Variants in CSF2RB observed in about 807,000 individuals in gnomAD.
CSF2RB encodes colony stimulating factor 2 receptor subunit beta, also known as cytokine receptor common subunit beta.
In CSF2RB, 22 loss-of-function variants were observed where a neutral mutation model predicts 67.2. That is an observed-to-expected ratio of 0.33 (90% CI 0.23 to 0.47). The LOEUF (loss-of-function observed/expected upper bound fraction) is 0.47, where lower values mean the gene tolerates loss of function less well. CSF2RB is among the 20% of genes least tolerant of loss of function. CSF2RB has a pLI of 1.00. For missense variants in CSF2RB, 1,113 were observed against 1,174.5 expected, an observed-to-expected ratio of 0.95 and a Z score of 0.76; for synonymous variants, 507 against 482.9, an observed-to-expected ratio of 1.05 and a Z score of -0.65.
intron 10 of CSF2RB, 146 bp from the exon 11 acceptor site, chr22:36,935,205 C>G (rs1833503764): frequency 2.6e-6 from 2 of 769,732 alleles, no homozygotes; most frequent in South Asian, 2.9e-5. Flanking sequence ...GCCTCTCTCC[C>G]CTAATCCCCC....
intron 2 of CSF2RB, 179 bp downstream of exon 2, chr22:36,922,462 C>T (rs1940900693): frequency 6.3e-6 from 4 of 635,882 alleles, no homozygotes; most frequent in South Asian, 1.8e-5. Context: ...CACATTCCTG[C>T]TCATCCTGTC....
At chr22:36,928,195 A>G (rs1941066731) in intron 4 of CSF2RB, among the ~76,000 whole-genome samples, 1 of 152,148 alleles carries the variant, frequency 6.6e-6, no homozygotes, top group Admixed American at 6.5e-5. Context: ...CCATGTTTGG[A>G]GACCTTGGAC....
intron 6 of CSF2RB, among the ~76,000 whole-genome samples, 176 bp downstream of exon 6, chr22:36,929,983 C>T (rs1176463641): frequency 6.6e-6 from 1 of 152,250 alleles, no homozygotes; most frequent in Non-Finnish European, 1.5e-5. Context: ...ACCAGTAGGA[C>T]TCTGCATCTG....
In CSF2RB at chr22:36,939,393, G is replaced by T. The variant is rs1327145113; in HGVS notation, c.*891G>T. The T allele has an allele frequency of 1.6e-6, 1 of 634,386 alleles. No individual in the cohort carries two copies. Among genetic ancestry groups the T allele is most frequent in the East Asian group, 2.7e-5 (1 of 36,414 alleles). 39.3% of individuals were successfully genotyped at this position (634,386 alleles called of 1,614,324 possible). On this transcript the variant is annotated 3_prime_UTR_variant, in exon 14 of 14. Coordinates refer to ENST00000403662, the MANE Select transcript of CSF2RB (RefSeq NM_000395.3). Reference sequence around the variant, plus strand: ...TGCCCCAAAGGCATATATGCTTTAGGGCCTTTGGTCCAAATGGCCCGGGTG... The same window carrying T: ...TGCCCCAAAGGCATATATGCTTTAGTGCCTTTGGTCCAAATGGCCCGGGTG...
chr22:36,919,550 C>A (rs9607392), intron 1 of CSF2RB, among the ~76,000 whole-genome samples: 3,319 of 150,826 alleles, frequency 0.022, 77 homozygotes, highest in Middle Eastern at 0.071. Flanking sequence ...TACAGACGTG[C>A]GCCACCATGG....
intron 12 of CSF2RB, 44 bp from the exon 13 acceptor site, chr22:36,936,505 G>A (rs201546581): frequency 2.0e-5 from 31 of 1,588,080 alleles, no homozygotes; most frequent in African/African-American, 6.7e-5. Context: ...CCCCCACCTC[G>A]GACCTCCTGA....
rs752807192 is a variant in CSF2RB, at chr22:36,932,802, T to G, written c.1050T>G (p.Asp350Glu). The change falls in exon 9 of 14, where the codon GAT (aspartate) becomes GAG (glutamate). Residue 350 changes from aspartate (D) to glutamate (E), a missense_variant. Asp to Glu is a conservative substitution (Grantham distance 45, BLOSUM62 2). This residue lies in a region of CSF2RB where 559 missense variants were observed against 656.5 expected (regional missense o/e 0.85). Transcript: ENST00000403662. ...MAPPSLNVTKDGDSYSLRWET... is the reference protein window; with the variant it reads ...MAPPSLNVTKEGDSYSLRWET... ...CTCCATCCCTCAACGTGACCAAGGA[T>G]GGAGACAGCTACAGCCTGCGCTGGG... The G allele has an allele frequency of 6.2e-7, 1 of 1,613,860 alleles. No homozygotes were observed. Among genetic ancestry groups the G allele is most frequent in the Non-Finnish European group, 8.5e-7 (1 of 1,180,008 alleles).
At chr22:36,922,627 G>A (rs1940905064) in intron 2 of CSF2RB, 1 of 453,254 alleles carries the variant, frequency 2.2e-6, no homozygotes, top group Non-Finnish European at 4.1e-6. Context: ...CCACCTCCGG[G>A]ACTTTGCTCC....
rs1481622186 is a variant in CSF2RB at position 36,937,725 on chromosome 22, G to T, written c.1917G>T (p.Leu639=). 1.9e-6 allele frequency: 3 copies of T among 1,558,634 alleles called. No individual in the cohort carries two copies. The highest frequency in any genetic ancestry group is 2.6e-6 in the Non-Finnish European group (3 of 1,150,956). ...LCLPAGGQVQ[L]VPLAQAMGPG... ...TGCCTGCTGGGGGGCAGGTGCAACT[G>T]GTCCCTCTGGCCCAGGCGATGGGAC... The change falls in exon 14 of 14, where the codon CTG becomes CTT. Residue 639 remains leucine (L), a synonymous_variant. Transcript: ENST00000403662. This position sits in a 1 kb window ranked among gnomAD's most constrained non-coding sequence, Gnocchi z 4.6.
At position 36,939,459 on chromosome 22, in the gene CSF2RB, G is replaced by C. The variant is rs556277986; in HGVS notation, c.*957G>C. 34 of 551,650 alleles carry C rather than the reference G, an allele frequency of 6.2e-5. No homozygotes were observed. In the Admixed American group the frequency reaches 1.0e-3, roughly 16 times the overall value. 34.2% of individuals were successfully genotyped at this position (551,650 alleles called of 1,614,324 possible). Reference sequence around the variant, plus strand: ...AGACCAGGCAACTCTCCCTCCCACCGGCCACAGATGAGGGGCTGCTGATCT... The same window carrying C: ...AGACCAGGCAACTCTCCCTCCCACCCGCCACAGATGAGGGGCTGCTGATCT... On this transcript the variant is annotated 3_prime_UTR_variant, in exon 14 of 14. Coordinates refer to ENST00000403662, the MANE Select transcript of CSF2RB (RefSeq NM_000395.3).
At chr22:36,921,615 A>C (rs893801314) in intron 1 of CSF2RB, among the ~76,000 whole-genome samples, 3 of 152,058 alleles carry the variant, frequency 2.0e-5, no homozygotes, top group African/African-American at 7.2e-5. Flanking sequence ...CTCCGAGGAG[A>C]AAAGGGAACT....
chr22:36,923,443 G>A, intron 3 of CSF2RB, 76 bp downstream of exon 3: 2 of 1,569,090 alleles, frequency 1.3e-6, no homozygotes, highest in Non-Finnish European at 1.7e-6. Flanking sequence ...CGACAGTGTA[G>A]AGAGGGACCT....
Position 36,938,453 on chromosome 22 carries a change from A to C in CSF2RB, c.2645A>C (p.Tyr882Ser), listed in dbSNP as rs753753400. Residue 882 changes from tyrosine (Y) to serine (S), a missense_variant, in exon 14 of 14, where the codon TAC becomes TCC. By Grantham distance (144) the Tyr-to-Ser change is moderately radical (BLOSUM62 -2). This residue lies in a region of CSF2RB where 554 missense variants were observed against 517.9 expected (regional missense o/e 1.07). Coordinates refer to ENST00000403662, the MANE Select transcript of CSF2RB (RefSeq NM_000395.3). The part of the protein sequence containing the change: ...QLFKALKQQD[Y>S]LSLPPWEVNK... ...TTCAAAGCCCTGAAGCAGCAGGACTACCTGTCTCTGCCCCCTTGGGAGGTC... is the reference window on the plus strand; with the variant it reads ...TTCAAAGCCCTGAAGCAGCAGGACTCCCTGTCTCTGCCCCCTTGGGAGGTC... 6.2e-7 allele frequency: 1 copy of C among 1,614,092 alleles called. No individual in the cohort carries two copies. The highest frequency in any genetic ancestry group is 8.5e-7 in the Non-Finnish European group (1 of 1,179,988).
chr22:36,923,430 G>C, intron 3 of CSF2RB, 63 bp downstream of exon 3: 9 of 1,586,168 alleles, frequency 5.7e-6, no homozygotes, highest in Non-Finnish European at 7.7e-6. Flanking sequence ...GCCTGGCATG[G>C]GGCGACAGTG....
At position 36,930,169 on chromosome 22, in the gene CSF2RB, C is replaced by T. The variant is rs1036888083; in HGVS notation, c.719-206C>T. ...AACTTAGATACTATTTCCATTCTCC[C>T]GGGAGGGCGTGCAGGTGCACAGAAC... On this transcript the variant is annotated intron_variant, in intron 6 of 13. Transcript: ENST00000403662. Among the ~76,000 whole-genome samples, 59 of 152,070 alleles carry T rather than the reference C, an allele frequency of 3.9e-4. 1 individual carries two copies. Among genetic ancestry groups the T allele is most frequent in the Admixed American group, 3.3e-3 (51 of 15,284 alleles).
intron 4 of CSF2RB, 86 bp from the exon 5 acceptor site, chr22:36,929,316 C>A: frequency 6.3e-7 from 1 of 1,587,780 alleles, no homozygotes; most frequent in South Asian, 1.1e-5. Flanking sequence ...GCCTGGAACC[C>A]CCTGTGTCCA....
At chr22:36,920,480 G>A (rs1299566130) in intron 1 of CSF2RB, among the ~76,000 whole-genome samples, 3 of 152,226 alleles carry the variant, frequency 2.0e-5, no homozygotes, top group Non-Finnish European at 4.4e-5. Flanking sequence ...TAGTGAATCT[G>A]CCCGCACCTT....
Position 36,938,865 on chromosome 22 carries a change from G to A in CSF2RB, c.*363G>A, listed in dbSNP as rs773391020. 1 of 537,772 alleles carries A rather than the reference G, an allele frequency of 1.9e-6. No individual in the cohort carries two copies. The highest frequency in any genetic ancestry group is 3.3e-6 in the Non-Finnish European group (1 of 305,586). 33.3% of individuals were successfully genotyped at this position (537,772 alleles called of 1,614,324 possible). On this transcript the variant is annotated 3_prime_UTR_variant, in exon 14 of 14. Transcript: ENST00000403662. ...CCTTCTTTTTTCACTGATTTATTAT[G>A]AGAGTGGGGCTGAGGTCTGAGCTGA...
At chr22:36,914,061 G>A (rs887852056) in intron 1 of CSF2RB, among the ~76,000 whole-genome samples, 2 of 152,086 alleles carry the variant, frequency 1.3e-5, no homozygotes, top group African/African-American at 4.8e-5. Flanking sequence ...GTGGTAGTGA[G>A]AGCACCCCCT....
Sources: gnomAD v4.1 joint callset for allele counts (sites outside exome capture counted in the v4.1 genomes callset) on GRCh38, gnomAD v4.1.1 for gene constraint, gnomAD v4.1.1 regional missense constraint, Gnocchi (gnomAD v3.1) non-coding constraint, MANE v1.5 for transcripts, NCBI Gene and HGNC (gene_info 2026-07-23, HGNC 2026-07-21) for gene names.